The following EFCAB5 variants were observed in gnomAD, a reference collection of about 807,000 sequenced individuals.
The protein encoded by EFCAB5 is EF-hand calcium binding domain 5, also known as EF-hand calcium-binding domain-containing protein 5.
In EFCAB5, 131 loss-of-function variants were observed where a neutral mutation model predicts 167.9. The ratio of observed to expected loss-of-function variants is 0.78; its 90% CI spans 0.68 to 0.90. The LOEUF is 0.90. EFCAB5 is among the 40% of genes least tolerant of loss of function. The pLI is 0.00. For missense variants in EFCAB5, 1,663 were observed against 1,745.2 expected, an observed-to-expected ratio of 0.95 and a Z score of 0.84; for synonymous variants, 574 against 602.8, an observed-to-expected ratio of 0.95 and a Z score of 0.70.
In EFCAB5 at chr17:30,097,034, ATACATATACATATACATATATATATATTT is replaced by A. The variant is rs1275083535; in HGVS notation, c.4321+4100_4321+4128del. On this transcript the variant is annotated intron_variant, in intron 22 of 22. Coordinates refer to ENST00000394835, the MANE Select transcript of EFCAB5 (RefSeq NM_198529.4). Reference sequence around the variant, plus strand: ...TATACATATACATATACATATACATATACATATACATATACATATATATATATTTTTTTTTTTTTGAGATGGAGTTTCGC... The same window carrying A: ...TATACATATACATATACATATACATATTTTTTTTTTGAGATGGAGTTTCGC... 9.7e-3 allele frequency among the ~76,000 whole-genome samples: 1,106 copies of A among 114,428 alleles called. 26 individuals are homozygous for A. The highest frequency in any genetic ancestry group is 0.042 in the African/African-American group (1,045 of 24,988). The allele number at this position is 114,428 out of a possible 152,430, so 75.1% of individuals were successfully genotyped here.
chr17:30,065,169 G>C (rs897845488), intron 14 of EFCAB5, among the ~76,000 whole-genome samples: 6 of 151,930 alleles, frequency 3.9e-5, no homozygotes, highest in African/African-American at 1.5e-4. Flanking sequence ...AGAAAGAAAA[G>C]AATCAAATCT....
At chr17:30,070,765 C>T (rs771516256) in intron 14 of EFCAB5, among the ~76,000 whole-genome samples, 3 of 151,858 alleles carry the variant, frequency 2.0e-5, no homozygotes, top group Non-Finnish European at 4.4e-5. Flanking sequence ...GCCTGGCCAA[C>T]ATGGCAATAC....
chr17:30,024,238 A>T (rs1158916199), intron 7 of EFCAB5, among the ~76,000 whole-genome samples: 1 of 152,020 alleles, frequency 6.6e-6, no homozygotes, highest in Non-Finnish European at 1.5e-5. Flanking sequence ...GAGGAAGTCA[A>T]ATTGTCCCTG....
At chr17:30,027,292 T>C (rs2069354011) in intron 7 of EFCAB5, among the ~76,000 whole-genome samples, 1 of 142,990 alleles carries the variant, frequency 7.0e-6, no homozygotes, top group African/African-American at 2.6e-5. Flanking sequence ...GCCACACCAG[T>C]CTTTTTTTTT....
intron 4 of EFCAB5, among the ~76,000 whole-genome samples, chr17:29,979,462 G>A (rs1341235061): frequency 6.6e-6 from 1 of 152,230 alleles, no homozygotes; most frequent in African/African-American, 2.4e-5. Flanking sequence ...ATCCTGGCCA[G>A]ATAGGCTGCA....
chr17:29,963,175 C>G (rs573137706), intron 3 of EFCAB5, among the ~76,000 whole-genome samples: 1 of 152,286 alleles, frequency 6.6e-6, no homozygotes, highest in Non-Finnish European at 1.5e-5. Flanking sequence ...CTCCTGGACT[C>G]AAGCAATTCT....
In EFCAB5 at chr17:30,059,671, GA is replaced by G. The variant is rs1389365957; in HGVS notation, c.2708del (p.Glu903GlyfsTer8). On this transcript the variant is annotated frameshift_variant, in exon 14 of 23. Coordinates refer to ENST00000394835, the MANE Select transcript of EFCAB5 (RefSeq NM_198529.4). LOFTEE classifies it high-confidence loss of function. ...TGATGAACTCTTGTACACATACAAG[GA>G]GGGAATGGAAAAAGAATCTATGAAG... ...EVDELLYTYK[E>X]GMEKESMKKA... is the part of the protein sequence containing the mutation. 2.5e-6 allele frequency: 4 copies of G among 1,599,190 alleles called. No homozygotes were observed. The African/African-American group carries it at 4.0e-5, about 16-fold the overall frequency.
chr17:30,087,177 T>C lies in EFCAB5; in HGVS notation c.3683+11T>C. On this transcript the variant is annotated intron_variant, in intron 19 of 22. Transcript: ENST00000394835. ...GTCATGCATCTTCAGGTTAGAGACA[T>C]GTCTGTTTTGTTTGACTGCTAGAAC... The C allele has an allele frequency of 1.2e-6, 2 of 1,611,438 alleles. No homozygotes were observed. Among genetic ancestry groups the C allele is most frequent in the Admixed American group, 1.7e-5 (1 of 60,004 alleles).
chr17:30,012,121 G>C (rs546989010), intron 7 of EFCAB5, among the ~76,000 whole-genome samples: 3 of 152,180 alleles, frequency 2.0e-5, no homozygotes, highest in African/African-American at 7.2e-5. Context: ...TAACGCCAGC[G>C]TCTGGGAAGA....
intron 1 of EFCAB5, among the ~76,000 whole-genome samples, chr17:29,933,429 C>T (rs1224500938): frequency 6.6e-6 from 1 of 152,200 alleles, no homozygotes; most frequent in African/African-American, 2.4e-5. Flanking sequence ...CCTGGTTCCT[C>T]CTAGGTCTTC....
intron 21 of EFCAB5, among the ~76,000 whole-genome samples, chr17:30,092,519 C>T (rs2071220612): frequency 6.6e-6 from 1 of 152,146 alleles, no homozygotes; most frequent in Non-Finnish European, 1.5e-5. Context: ...TCTCGAGTAG[C>T]TGGGATTACA....
intron 4 of EFCAB5, among the ~76,000 whole-genome samples, chr17:29,978,806 C>T (rs1237477412): frequency 1.3e-5 from 2 of 152,208 alleles, no homozygotes; most frequent in African/African-American, 4.8e-5. Flanking sequence ...GTGACAGCCT[C>T]AAAAGAAGAT....
Position 29,941,823 on chromosome 17 carries a change from A to T in EFCAB5, c.27A>T (p.Glu9Asp). ...TGAATGAGTCAGCATCTCAAGAGGA[A>T]CTCAGACCTGCTCAGGTTCTTGTCC... is the stretch of plus-strand genomic sequence containing the variant. MNESASQE[E>D]LRPAQENRKE... Residue 9 changes from glutamate (E) to aspartate (D), a missense_variant, in exon 1 of 23, where the codon GAA (glutamate) becomes GAT (aspartate). Physicochemically the swap from Glu to Asp is conservative, Grantham distance 45. Coordinates refer to ENST00000394835, the MANE Select transcript of EFCAB5 (RefSeq NM_198529.4). 1 of 1,605,460 alleles carries T rather than the reference A, an allele frequency of 6.2e-7. No homozygotes were observed. The highest frequency in any genetic ancestry group is 8.5e-7 in the Non-Finnish European group (1 of 1,175,326).
chr17:30,066,567 T>C (rs1290228441), intron 14 of EFCAB5, among the ~76,000 whole-genome samples: 1 of 151,968 alleles, frequency 6.6e-6, no homozygotes, highest in Non-Finnish European at 1.5e-5. Context: ...ATCAAAATTG[T>C]AGAAAGCTTT....
intron 7 of EFCAB5, among the ~76,000 whole-genome samples, chr17:30,028,007 A>T (rs2069378059): frequency 6.6e-6 from 1 of 152,164 alleles, no homozygotes; most frequent in African/African-American, 2.4e-5. Context: ...AACTACAAAT[A>T]CTAGAAAGTA....
In EFCAB5 at chr17:30,006,473, A is replaced by C. The variant is rs1275007236; in HGVS notation, c.1044+6497A>C. ...TTTTGATAAGTAATAGAAGGTGAGA[A>C]TCTAACTTAATTTTTTCCCCCTAAA... On this transcript the variant is annotated intron_variant, in intron 7 of 22. Transcript: ENST00000394835. 2.0e-5 allele frequency among the ~76,000 whole-genome samples: 3 copies of C among 152,312 alleles called. No homozygotes were observed. The East Asian group carries it at 5.8e-4, about 29-fold the overall frequency.
chr17:30,054,155 A>C lies in EFCAB5; in HGVS notation c.2194+7A>C. ...AGAAAAGATCACTTTCCAGGTAGTAATGCAGTTCTTCTACAACATCAGTTC... is the reference window on the plus strand; with the variant it reads ...AGAAAAGATCACTTTCCAGGTAGTACTGCAGTTCTTCTACAACATCAGTTC... On this transcript the variant is annotated splice_region_variant and intron_variant, in intron 10 of 22. Coordinates refer to ENST00000394835, the MANE Select transcript of EFCAB5 (RefSeq NM_198529.4). The C allele has an allele frequency of 6.6e-7, 1 of 1,521,816 alleles. No individual in the cohort carries two copies. Among genetic ancestry groups the C allele is most frequent in the Non-Finnish European group, 8.8e-7 (1 of 1,137,366 alleles). 94.3% of individuals were successfully genotyped at this position (1,521,816 alleles called of 1,614,324 possible).
In EFCAB5 at chr17:29,993,308, T is replaced by A. The variant is rs768387364; in HGVS notation, c.911T>A (p.Ile304Asn). 1.2e-6 allele frequency: 2 copies of A among 1,611,182 alleles called. No individual in the cohort carries two copies. The highest frequency in any genetic ancestry group is 1.7e-6 in the Non-Finnish European group (2 of 1,178,648). Residue 304 changes from isoleucine (I) to asparagine (N), a missense_variant, in exon 5 of 23, where the codon ATT (isoleucine) becomes AAT (asparagine). Transcript: ENST00000394835. ...TGGATTCTAGACCCTAAAGGAATGA[T>A]TCCTAAGTCAGTGGTAAGAAAATTG... ...DEWILDPKGM[I>N]PKSVIQNVLQ...
At chr17:30,063,992 A>C (rs1018902810) in intron 14 of EFCAB5, among the ~76,000 whole-genome samples, 1 of 152,162 alleles carries the variant, frequency 6.6e-6, no homozygotes, top group Non-Finnish European at 1.5e-5. Flanking sequence ...CCCAACTAGC[A>C]CACAAAATTT....
Sources: allele counts gnomAD v4.1 joint callset (sites outside exome capture counted in the v4.1 genomes callset), GRCh38; gene constraint gnomAD v4.1.1; transcripts MANE v1.5; gene names NCBI Gene and HGNC (gene_info 2026-07-23, HGNC 2026-07-21).